The following BACE2 variants were observed in gnomAD, a reference collection of about 807,000 sequenced individuals.
The protein encoded by BACE2 is beta-secretase 2.
In BACE2, 17 loss-of-function variants were observed where a neutral mutation model predicts 46.2. The ratio of observed to expected loss-of-function variants is 0.37; its 90% CI spans 0.25 to 0.55. The LOEUF (loss-of-function observed/expected upper bound fraction) is 0.55, where lower values mean the gene tolerates loss of function less well. BACE2 is among the 20% of genes least tolerant of loss of function. The pLI, the probability that BACE2 is intolerant of heterozygous loss-of-function variation, is 0.82. For synonymous variants in BACE2, 277 were observed against 295.9 expected (o/e 0.94, Z 0.66); for missense variants, 595 against 698.1 (o/e 0.85, Z 1.66).
rs1215642905 is a variant in BACE2 at position 41,237,597 on chromosome 21, C to T, written c.486C>T (p.Leu162=). The change falls in exon 3 of 9, where the codon CTC becomes CTT. Residue 162 remains leucine, a synonymous_variant. Coordinates refer to ENST00000330333, the MANE Select transcript of BACE2 (RefSeq NM_012105.5). The stretch of plus-strand genomic sequence containing the variant: ...GGACGGGCTTCGTTGGGGAAGACCT[C>T]GTCACCATCCCCAAAGGCTTCAATA... ...GSWTGFVGED[L]VTIPKGFNTS... 11 of 1,614,080 alleles carry T rather than the reference C, an allele frequency of 6.8e-6. No homozygotes were observed. The highest frequency in any genetic ancestry group is 4.5e-5 in the East Asian group (2 of 44,896).
At position 41,239,992 on chromosome 21, in the gene BACE2, G is replaced by A. The variant is rs545182726; in HGVS notation, c.619-1827G>A. 3.3e-5 allele frequency among the ~76,000 whole-genome samples: 5 copies of A among 152,344 alleles called. No individual in the cohort carries two copies. In the East Asian group the frequency reaches 5.8e-4, roughly 18 times the overall value. On this transcript the variant is annotated intron_variant, in intron 3 of 8. Transcript: ENST00000330333. ...AGATTCTGTGAGAACAGACCCCTTCGGGGTTTGCTCAGACCTCCTGACTCT... is the reference window on the plus strand; with the variant it reads ...AGATTCTGTGAGAACAGACCCCTTCAGGGTTTGCTCAGACCTCCTGACTCT...
chr21:41,240,068 T>C (rs17000722), intron 3 of BACE2, among the ~76,000 whole-genome samples: 3,321 of 152,326 alleles, frequency 0.022, 121 homozygotes, highest in African/African-American at 0.075. Flanking sequence ...TTACTGACAA[T>C]TGGCTTCCCA....
chr21:41,250,752 A>G lies in BACE2; in HGVS notation c.985A>G (p.Ile329Val), dbSNP rs1987614304. Reference sequence around the variant, plus strand: ...TCTGATGTGATCTTGTTTTGTCTAGATTCCAGAATTCTCTGATGGTTTCTG... The same window carrying G: ...TCTGATGTGATCTTGTTTTGTCTAGGTTCCAGAATTCTCTGATGGTTTCTG... ...VVEAVARASL[I>V]PEFSDGFWTG... Residue 329 changes from isoleucine (I) to valine (V), a missense_variant and splice_region_variant, in exon 7 of 9, where the codon ATT (isoleucine) becomes GTT (valine). Around this residue, in one of 3 missense-constraint regions of BACE2, gnomAD observed 343 missense variants for 419.4 expected, o/e 0.82. Transcript: ENST00000330333. 1 of 1,614,020 alleles carries G rather than the reference A, an allele frequency of 6.2e-7. No individual in the cohort carries two copies. Among genetic ancestry groups the G allele is most frequent in the Non-Finnish European group, 8.5e-7 (1 of 1,179,970 alleles).
chr21:41,256,311 A>C (rs906160968), intron 7 of BACE2, among the ~76,000 whole-genome samples: 2 of 151,440 alleles, frequency 1.3e-5, no homozygotes, highest in African/African-American at 2.4e-5. Context: ...TTATTGTTCA[A>C]CTCCCACTTA....
At chr21:41,267,359 G>A (rs908524933) in intron 8 of BACE2, among the ~76,000 whole-genome samples, 3 of 152,178 alleles carry the variant, frequency 2.0e-5, no homozygotes, top group African/African-American at 7.2e-5. Flanking sequence ...GTGTTGCTGG[G>A]CCAAGTGTCC....
rs2088485409 is a variant in BACE2, at chr21:41,275,988, C to T, written c.*364C>T. 2 of 223,840 alleles carry T rather than the reference C, an allele frequency of 8.9e-6. No individual in the cohort carries two copies. The highest frequency in any genetic ancestry group is 1.8e-5 in the Non-Finnish European group (2 of 111,674). 13.9% of individuals were successfully genotyped at this position (223,840 alleles called of 1,614,324 possible). ...TCTTCAATCTCTGGAAAAATAAGTA[C>T]ATATAGTTGATAACCCCTCTTAGCT... is the stretch of plus-strand genomic sequence containing the variant. On this transcript the variant is annotated 3_prime_UTR_variant, in exon 9 of 9. Coordinates refer to ENST00000330333, the MANE Select transcript of BACE2 (RefSeq NM_012105.5).
chr21:41,211,168 C>T (rs565853971), intron 1 of BACE2, among the ~76,000 whole-genome samples: 1 of 151,606 alleles, frequency 6.6e-6, no homozygotes, highest in East Asian at 1.9e-4. Context: ...CCATTCCCCC[C>T]TCCCCATCCC....
intron 6 of BACE2, among the ~76,000 whole-genome samples, chr21:41,247,013 C>T (rs1055681136): frequency 6.6e-6 from 1 of 152,176 alleles, no homozygotes; most frequent in Admixed American, 6.5e-5. Context: ...GTTCTCATAG[C>T]ATCTGGGCCT....
At chr21:41,182,222 G>T (rs1315056260) in intron 1 of BACE2, 1 of 167,084 alleles carries the variant, frequency 6.0e-6, no homozygotes, top group African/African-American at 2.4e-5. Context: ...TATTGGTTGT[G>T]GTTGTAGTGC....
intron 8 of BACE2, among the ~76,000 whole-genome samples, chr21:41,263,849 C>T (rs1402850394): frequency 2.0e-5 from 3 of 152,188 alleles, no homozygotes; most frequent in Non-Finnish European, 4.4e-5. Flanking sequence ...TCGTGCTATA[C>T]CCTTTACACT....
chr21:41,179,406 C>T (rs1568856913), intron 1 of BACE2: 2 of 1,286,520 alleles, frequency 1.6e-6, no homozygotes, highest in Non-Finnish European at 2.0e-6. Context: ...TGAGGGTGTC[C>T]AGGGTGAGTG....
chr21:41,188,101 C>T (rs941187280), intron 1 of BACE2, among the ~76,000 whole-genome samples: 11 of 152,178 alleles, frequency 7.2e-5, no homozygotes, highest in African/African-American at 2.4e-4. Flanking sequence ...TCTATGATCC[C>T]TCCTTCTTGC....
chr21:41,199,589 G>A (rs890134793), intron 1 of BACE2, among the ~76,000 whole-genome samples: 1 of 152,122 alleles, frequency 6.6e-6, no homozygotes, highest in African/African-American at 2.4e-5. Context: ...CTAGGGAGGC[G>A]AGCTTCCTAG....
intron 8 of BACE2, among the ~76,000 whole-genome samples, chr21:41,268,851 G>T (rs1424587358): frequency 1.3e-5 from 2 of 151,988 alleles, no homozygotes; most frequent in Non-Finnish European, 2.9e-5. Context: ...TGAAAAAATG[G>T]GTATGAACTC....
intron 2 of BACE2, among the ~76,000 whole-genome samples, chr21:41,227,877 A>C (rs1986863997): frequency 1.3e-5 from 2 of 152,296 alleles, no homozygotes; most frequent in South Asian, 4.1e-4. Flanking sequence ...CGTCCCACTC[A>C]GATCTGTGAT....
rs1329988204 is a variant in BACE2, at chr21:41,168,220, G to GGGACC, written c.-41_-37dup. On this transcript the variant is annotated 5_prime_UTR_variant, in exon 1 of 9. Transcript: ENST00000330333. ...CTGAGCCGCGGCTGCCGGACGGGAC[G>GGGACC]GGACCGGCTAGGCTGGGCGCGCCCC... The GGGACC allele has an allele frequency of 1.8e-6, 2 of 1,084,154 alleles. No homozygotes were observed. Among genetic ancestry groups the GGGACC allele is most frequent in the Non-Finnish European group, 2.3e-6 (2 of 887,534 alleles). The allele number at this position is 1,084,154 out of a possible 1,614,324, so 67.2% of individuals were successfully genotyped here.
chr21:41,179,448 T>G, intron 1 of BACE2: 2 of 1,284,668 alleles, frequency 1.6e-6, no homozygotes, highest in African/African-American at 2.0e-5. Flanking sequence ...GTGTCCAGGG[T>G]GAGTGAGGGT....
chr21:41,251,002 A>G (rs1287369550), intron 7 of BACE2, 101 bp downstream of exon 7: 4 of 1,152,042 alleles, frequency 3.5e-6, no homozygotes, highest in Middle Eastern at 2.2e-4. Context: ...TTAGATCTCT[A>G]TCACCACAAT....
intron 1 of BACE2, among the ~76,000 whole-genome samples, chr21:41,201,936 AC>A (rs1343268604): frequency 6.6e-6 from 1 of 152,204 alleles, no homozygotes; most frequent in African/African-American, 2.4e-5. Context: ...TTGTTTCAAA[AC>A]TTTGGTTGAA....
Sources: gnomAD v4.1 joint callset for allele counts (sites outside exome capture counted in the v4.1 genomes callset) on GRCh38, gnomAD v4.1.1 for gene constraint, gnomAD v4.1.1 regional missense constraint, MANE v1.5 for transcripts, NCBI Gene and HGNC (gene_info 2026-07-23, HGNC 2026-07-21) for gene names.